The following FSTL4 variants were observed in gnomAD, a reference collection of about 807,000 sequenced individuals.
The protein encoded by FSTL4 is follistatin like 4.
In FSTL4, 28 loss-of-function variants were observed where a neutral mutation model predicts 78.2. That is an observed-to-expected ratio of 0.36 (90% confidence interval 0.27 to 0.49). FSTL4 has a LOEUF of 0.49. FSTL4 is among the 20% of genes least tolerant of loss of function. FSTL4 has a pLI of 0.98. For missense variants in FSTL4, 922 were observed against 1,084.9 expected (o/e 0.85, Z 2.11); for synonymous variants, 422 against 440.5 (o/e 0.96, Z 0.53).
the FSTL4 span, among the ~76,000 whole-genome samples, chr5:133,743,529 G>T: frequency 6.6e-6 from 1 of 152,130 alleles, no homozygotes; most frequent in Non-Finnish European, 1.5e-5. Context: ...CGAAAAGATT[G>T]ATGATGATGG....
the FSTL4 span, among the ~76,000 whole-genome samples, chr5:133,777,030 C>T: frequency 4.6e-5 from 7 of 152,158 alleles, no homozygotes; most frequent in Admixed American, 6.5e-5. Flanking sequence ...TTCACACACA[C>T]GTGCACATGA....
At chr5:133,425,036 G>A (rs534146870) in intron 3 of FSTL4, among the ~76,000 whole-genome samples, 4 of 152,272 alleles carry the variant, frequency 2.6e-5, no homozygotes, top group Admixed American at 2.6e-4. Context: ...CTAACTATTA[G>A]ACTGTGGATT....
At chr5:133,716,660 T>C in the FSTL4 span, among the ~76,000 whole-genome samples, 1 of 152,186 alleles carries the variant, frequency 6.6e-6, no homozygotes, top group Admixed American at 6.5e-5. Flanking sequence ...AAAAACCATA[T>C]TCATTACTTG....
chr5:133,259,326 G>A (rs1008061028), intron 6 of FSTL4, among the ~76,000 whole-genome samples: 4 of 152,000 alleles, frequency 2.6e-5, no homozygotes, highest in African/African-American at 9.7e-5. Flanking sequence ...AAGGTCTTGA[G>A]GCAGGGTGGG....
At chr5:133,242,662 C>T (rs893877871) in intron 7 of FSTL4, among the ~76,000 whole-genome samples, 1 of 152,128 alleles carries the variant, frequency 6.6e-6, no homozygotes, top group Non-Finnish European at 1.5e-5. Context: ...ACCATAGGCC[C>T]CGGCCCCCAT....
intron 6 of FSTL4, among the ~76,000 whole-genome samples, chr5:133,291,804 C>A (rs552716584): frequency 5.5e-4 from 83 of 152,062 alleles, no homozygotes; most frequent in Non-Finnish European, 8.5e-4. Flanking sequence ...AGAGGGAAGC[C>A]AGGGGTCAGG....
chr5:133,281,035 C>T (rs1409291592), intron 6 of FSTL4, among the ~76,000 whole-genome samples: 1 of 152,216 alleles, frequency 6.6e-6, no homozygotes, highest in Non-Finnish European at 1.5e-5. Flanking sequence ...CAGCAGCCTG[C>T]CCAGTGCCCC....
chr5:133,326,183 A>C (rs61704019), intron 4 of FSTL4, among the ~76,000 whole-genome samples: 2,472 of 152,356 alleles, frequency 0.016, 76 homozygotes, highest in African/African-American at 0.055. Flanking sequence ...GAACATTAAC[A>C]ATCTTTCTGC....
chr5:133,692,393 T>A, the FSTL4 span, among the ~76,000 whole-genome samples: 1 of 152,150 alleles, frequency 6.6e-6, no homozygotes, highest in Non-Finnish European at 1.5e-5. Flanking sequence ...AGGGGTGTGA[T>A]GTGATCAGAT....
At chr5:133,835,795 C>T in the FSTL4 span, among the ~76,000 whole-genome samples, 2 of 152,178 alleles carry the variant, frequency 1.3e-5, no homozygotes, top group African/African-American at 2.4e-5. Context: ...ACTCTATTAA[C>T]TTGAAAAGAA....
chr5:133,711,285 A>G, the FSTL4 span, among the ~76,000 whole-genome samples: 2 of 152,158 alleles, frequency 1.3e-5, no homozygotes, highest in Non-Finnish European at 2.9e-5. Context: ...TTTCTAATAC[A>G]CTGTGTGAGG....
At chr5:133,358,904 A>G (rs1352749307) in intron 4 of FSTL4, among the ~76,000 whole-genome samples, 1 of 152,138 alleles carries the variant, frequency 6.6e-6, no homozygotes, top group Non-Finnish European at 1.5e-5. Flanking sequence ...ATACTCCCTG[A>G]AGACAAACTG....
the FSTL4 span, among the ~76,000 whole-genome samples, chr5:133,635,497 C>T: frequency 6.6e-6 from 1 of 152,066 alleles, no homozygotes; most frequent in South Asian, 2.1e-4. Context: ...GGCACAGTGG[C>T]TCATGCCAGT....
intron 3 of FSTL4, among the ~76,000 whole-genome samples, chr5:133,471,943 G>A (rs1022173594): frequency 6.6e-6 from 1 of 152,112 alleles, no homozygotes; most frequent in East Asian, 1.9e-4. Context: ...AGAATGATAC[G>A]TCACCTCTGG....
At chr5:133,549,896 G>A (rs1267598823) in intron 3 of FSTL4, among the ~76,000 whole-genome samples, 1 of 152,170 alleles carries the variant, frequency 6.6e-6, no homozygotes, top group Non-Finnish European at 1.5e-5. Context: ...AGAAGACAGG[G>A]CATGTTTATT....
chr5:133,690,351 C>A, the FSTL4 span, among the ~76,000 whole-genome samples: 10 of 152,138 alleles, frequency 6.6e-5, no homozygotes, highest in Admixed American at 2.0e-4. Context: ...AGAAAGAGAA[C>A]CAAGGTGGAA....
In FSTL4 at chr5:133,478,899, C is replaced by T. The variant is rs145653789; in HGVS notation, c.161-77913G>A. ...CCCACAAAGTATGGAGAGAAGCCGC[C>T]CCATCCACAGCAGTGTCTCAGTCCC... On this transcript the variant is annotated intron_variant, in intron 3 of 15. Transcript: ENST00000265342. Among the ~76,000 whole-genome samples, 775 of 152,122 alleles carry T rather than the reference C, an allele frequency of 5.1e-3. 6 individuals carry two copies. The highest frequency in any genetic ancestry group is 0.017 in the African/African-American group (716 of 41,498).
chr5:133,796,179 G>A, the FSTL4 span, among the ~76,000 whole-genome samples: 5 of 152,214 alleles, frequency 3.3e-5, no homozygotes, highest in Non-Finnish European at 5.9e-5. Flanking sequence ...GAACCCCCAC[G>A]CAGGACATGC....
At chr5:133,239,415 C>T (rs1751766308) in intron 7 of FSTL4, among the ~76,000 whole-genome samples, 1 of 152,232 alleles carries the variant, frequency 6.6e-6, no homozygotes, top group East Asian at 1.9e-4. Context: ...GTGAAGCCAG[C>T]TGGGCTCCTG....
Sources: gnomAD v4.1 joint callset for allele counts (sites outside exome capture counted in the v4.1 genomes callset) on GRCh38, gnomAD v4.1.1 for gene constraint, MANE v1.5 for transcripts, NCBI Gene and HGNC (gene_info 2026-07-23, HGNC 2026-07-21) for gene names.